The following TRDN variants were observed in gnomAD, a reference collection of about 807,000 sequenced individuals.
TRDN encodes the protein triadin.
Under a neutral mutation model 149.7 loss-of-function variants are expected in TRDN, and 161 were observed. That is an observed-to-expected ratio of 1.08 (90% CI 0.95 to 1.23). The LOEUF (loss-of-function observed/expected upper bound fraction) is 1.23. TRDN is among the 50% of genes most tolerant of loss of function. The pLI is 0.00. For synonymous variants in TRDN, 294 were observed against 250.5 expected (o/e 1.17, Z -1.64); for missense variants, 896 against 823.5 (o/e 1.09, Z -1.08).
At chr6:123,351,353 A>G in intron 21 of TRDN, 5 of 979,032 alleles carry the variant, frequency 5.1e-6, no homozygotes, top group Non-Finnish European at 6.1e-6. Context: ...TTTTTAAAAA[A>G]ATAAATTTAG....
intron 12 of TRDN, among the ~76,000 whole-genome samples, chr6:123,404,282 T>G (rs1773102104): frequency 6.6e-6 from 1 of 152,216 alleles, no homozygotes; most frequent in African/African-American, 2.4e-5. Context: ...AAATATTCAT[T>G]TCTGTAAACA....
At chr6:123,473,955 G>T (rs1777326815) in intron 9 of TRDN, among the ~76,000 whole-genome samples, 1 of 151,964 alleles carries the variant, frequency 6.6e-6, no homozygotes, top group Non-Finnish European at 1.5e-5. Flanking sequence ...AGCTAAATAT[G>T]GAAAGGAACA....
At chr6:123,279,241 C>G (rs2114627993) in intron 24 of TRDN, among the ~76,000 whole-genome samples, 159 bp from the exon 25 acceptor site, 1 of 152,136 alleles carries the variant, frequency 6.6e-6, no homozygotes, top group East Asian at 1.9e-4. Context: ...TAACTTATGG[C>G]TAAGTTCTTT....
chr6:123,397,803 G>T (rs1332553555), intron 12 of TRDN, among the ~76,000 whole-genome samples: 1 of 152,112 alleles, frequency 6.6e-6, no homozygotes, highest in African/African-American at 2.4e-5. Flanking sequence ...CATGGATTTT[G>T]TTAAAAGAAT....
At chr6:123,265,380 T>C (rs1776906464) in intron 32 of TRDN, 42 bp from the exon 33 acceptor site, 1 of 1,306,422 alleles carries the variant, frequency 7.7e-7, no homozygotes, top group African/African-American at 1.5e-5. Context: ...GAGTGATAAT[T>C]TTCTATCTAT....
At chr6:123,437,468 A>G (rs1774633237) in intron 12 of TRDN, 1 of 277,412 alleles carries the variant, frequency 3.6e-6, no homozygotes. Context: ...CAGTAGTGCA[A>G]TTATGGTGCT....
intron 1 of TRDN, among the ~76,000 whole-genome samples, chr6:123,632,408 T>C (rs879694505): frequency 2.0e-5 from 3 of 152,070 alleles, no homozygotes; most frequent in Non-Finnish European, 4.4e-5. Context: ...GTGTGCCTTT[T>C]TTGTGACTTC....
intron 32 of TRDN, among the ~76,000 whole-genome samples, chr6:123,266,198 T>A (rs1451364392): frequency 6.6e-5 from 5 of 76,198 alleles, no homozygotes; most frequent in Admixed American, 2.6e-4. Context: ...ATAATATGTA[T>A]TATATATTAT....
intron 2 of TRDN, among the ~76,000 whole-genome samples, chr6:123,563,054 T>A (rs1363175614): frequency 6.6e-6 from 1 of 152,234 alleles, no homozygotes; most frequent in Admixed American, 6.5e-5. Context: ...TGCACTTGTG[T>A]GGGACCTAAT....
intron 40 of TRDN, among the ~76,000 whole-genome samples, chr6:123,220,105 A>T (rs1775095168): frequency 6.6e-6 from 1 of 151,898 alleles, no homozygotes; most frequent in Non-Finnish European, 1.5e-5. Context: ...GATGCAATAG[A>T]TCCCCCAACT....
chr6:123,599,659 T>A (rs770856774), intron 1 of TRDN, among the ~76,000 whole-genome samples: 31 of 152,032 alleles, frequency 2.0e-4, no homozygotes, highest in Admixed American at 6.6e-5. Flanking sequence ...GGAGCACAAA[T>A]GTATTTCCCC....
intron 9 of TRDN, among the ~76,000 whole-genome samples, chr6:123,473,804 A>G (rs1291163860): frequency 1.3e-5 from 2 of 152,094 alleles, no homozygotes; most frequent in South Asian, 2.1e-4. Context: ...ATTCTTAAAG[A>G]AAAGAATTTT....
intron 38 of TRDN, among the ~76,000 whole-genome samples, chr6:123,245,273 A>G (rs928572534): frequency 1.3e-5 from 2 of 152,174 alleles, no homozygotes; most frequent in African/African-American, 2.4e-5. Flanking sequence ...AATGGGCTAA[A>G]TGCCCCAATT....
At chr6:123,346,483 T>C (rs188058528) in intron 21 of TRDN, among the ~76,000 whole-genome samples, 1 of 152,142 alleles carries the variant, frequency 6.6e-6, no homozygotes, top group Non-Finnish European at 1.5e-5. Flanking sequence ...GTGATGGATA[T>C]GTACACAGAA....
At chr6:123,559,576 C>T (rs1171235695) in intron 2 of TRDN, among the ~76,000 whole-genome samples, 3 of 152,162 alleles carry the variant, frequency 2.0e-5, no homozygotes, top group Non-Finnish European at 4.4e-5. Context: ...CCCTTACCAT[C>T]TCATTAAAAC....
chr6:123,385,866 C>A (rs936153569), intron 14 of TRDN, among the ~76,000 whole-genome samples: 1 of 152,120 alleles, frequency 6.6e-6, no homozygotes, highest in East Asian at 1.9e-4. Context: ...ATTACACACA[C>A]CTAAGAAGGA....
At chr6:123,455,446 G>GTGTGTGTGTGTGTA (rs1392022962) in intron 10 of TRDN, among the ~76,000 whole-genome samples, 7 of 151,824 alleles carry the variant, frequency 4.6e-5, no homozygotes, top group African/African-American at 1.7e-4. Flanking sequence ...GTGTCTGTGT[G>GTGTGTGTGTGTGTA]TGTTAGAGAA....
chr6:123,495,456 T>C (rs1583143579), intron 9 of TRDN, among the ~76,000 whole-genome samples: 1 of 150,242 alleles, frequency 6.7e-6, no homozygotes, highest in South Asian at 2.1e-4. Flanking sequence ...GAGGCAGAGG[T>C]TGCAGTGAGC....
At chr6:123,494,383 C>A (rs117084914) in intron 9 of TRDN, among the ~76,000 whole-genome samples, 71 of 152,172 alleles carry the variant, frequency 4.7e-4, no homozygotes, top group South Asian at 2.9e-3. Flanking sequence ...ATTGGTATTG[C>A]GACTATTAAA....
Sources: gnomAD v4.1 joint callset for allele counts (sites outside exome capture counted in the v4.1 genomes callset) on GRCh38, gnomAD v4.1.1 for gene constraint, MANE v1.5 for transcripts, NCBI Gene and HGNC (gene_info 2026-07-23, HGNC 2026-07-21) for gene names.